The following PCSK6 variants were observed in gnomAD, a reference collection of about 807,000 sequenced individuals.
PCSK6 encodes paired basic amino acid cleaving enzyme 4.
In PCSK6, 85 loss-of-function variants were observed where a neutral mutation model predicts 123.3. That is an observed-to-expected ratio of 0.69 (90% CI 0.58 to 0.83). The LOEUF is 0.83. PCSK6 is among the 40% of genes least tolerant of loss of function. The probability of loss-of-function intolerance (pLI) is 0.00; values close to 1 mark genes in which losing one functional copy is unlikely to be tolerated. For missense variants in PCSK6, 1,191 were observed against 1,282.3 expected (o/e 0.93, Z 1.09); for synonymous variants, 508 against 516.0 (o/e 0.98, Z 0.21).
chr15:101,445,520 CTTTTA>C (rs2056866183), intron 1 of PCSK6, among the ~76,000 whole-genome samples: 1 of 152,210 alleles, frequency 6.6e-6, no homozygotes, highest in Admixed American at 6.5e-5. Flanking sequence ...CTCACAAGCA[CTTTTA>C]TTTTTCTTCC....
intron 1 of PCSK6, among the ~76,000 whole-genome samples, chr15:101,472,022 C>A (rs10083598): frequency 2.1e-5 from 2 of 96,624 alleles, no homozygotes; most frequent in African/African-American, 3.5e-5. Flanking sequence ...CTAAGAAACA[C>A]GAAATTGTGA....
chr15:101,385,404 C>A (rs1017309385), intron 9 of PCSK6, among the ~76,000 whole-genome samples: 12 of 152,146 alleles, frequency 7.9e-5, no homozygotes, highest in Admixed American at 1.3e-4. Flanking sequence ...CCACAGCAAC[C>A]AGGAACGGGT....
chr15:101,305,223 G>A lies in PCSK6; in HGVS notation c.*35C>T. 2 of 1,522,520 alleles carry A rather than the reference G, an allele frequency of 1.3e-6. No homozygotes were observed. The highest frequency in any genetic ancestry group is 1.4e-5 in the African/African-American group (1 of 73,296). 94.3% of individuals were successfully genotyped at this position (1,522,520 alleles called of 1,614,324 possible). A position where few individuals can be genotyped will look rare whatever the true frequency, so the allele number is the denominator to read the frequency against. ...GAGGAAGGTGGACGGATGGATGGATGGGAGTGCCTGCCCTCTGTGGGCAGC... is the reference window on the plus strand; with the variant it reads ...GAGGAAGGTGGACGGATGGATGGATAGGAGTGCCTGCCCTCTGTGGGCAGC... On this transcript the variant is annotated 3_prime_UTR_variant, in exon 22 of 22. Transcript: ENST00000611716. The surrounding 1 kb of genome is among the most constrained non-coding windows in gnomAD (Gnocchi z 4.8).
chr15:101,455,882 A>G (rs974762402), intron 1 of PCSK6, among the ~76,000 whole-genome samples: 1 of 152,244 alleles, frequency 6.6e-6, no homozygotes, highest in Non-Finnish European at 1.5e-5. Flanking sequence ...CTTGTAAACT[A>G]AAAATAGACT....
At position 101,398,445 on chromosome 15, in the gene PCSK6, C is replaced by T. The variant is rs1168731620; in HGVS notation, c.955G>A (p.Gly319Ser). 13 of 1,613,552 alleles carry T rather than the reference C, an allele frequency of 8.1e-6. No homozygotes were observed. Among genetic ancestry groups the T allele is most frequent in the East Asian group, 2.2e-5 (1 of 44,882 alleles). Residue 319 changes from glycine to serine, a missense_variant, in exon 7 of 22, where the codon GGC becomes AGC. Physicochemically the swap from Gly to Ser is moderately conservative, Grantham distance 56 (BLOSUM62 0). This residue lies in a region of PCSK6 where 357 missense variants were observed against 484.5 expected (regional missense o/e 0.74). Transcript: ENST00000611716. The surrounding 1 kb of genome is among the most constrained non-coding windows in gnomAD (Gnocchi z 4.6). ...TCGAAAGCCTGCTTAGCCAGTCGGC[C>T]GGGCCCGTCCACCGTCTTGCCGTCG... ...DDDGKTVDGP[G>S]RLAKQAFEYG...
At chr15:101,396,116 A>G (rs2042404861) in intron 7 of PCSK6, among the ~76,000 whole-genome samples, 1 of 152,122 alleles carries the variant, frequency 6.6e-6, no homozygotes, top group Admixed American at 6.5e-5. Context: ...TTGCGATTTA[A>G]GGTTCTCTGT....
intron 6 of PCSK6, among the ~76,000 whole-genome samples, chr15:101,412,714 A>ATATAT (rs1326677557): frequency 7.9e-5 from 9 of 113,878 alleles, no homozygotes; most frequent in East Asian, 2.0e-4. Context: ...TATATATATA[A>ATATAT]AATTACCCAA....
chr15:101,390,812 T>C (rs568056704), intron 8 of PCSK6, among the ~76,000 whole-genome samples: 5 of 152,234 alleles, frequency 3.3e-5, no homozygotes, highest in Non-Finnish European at 7.3e-5. Flanking sequence ...CTGAGGCTCC[T>C]GGACTTCTGG....
In PCSK6 at chr15:101,366,233, T is replaced by G. The variant is rs1199670443; in HGVS notation, c.1821A>C (p.Gln607His). The part of the protein sequence containing the change: ...KAEGQWTLEI[Q>H]DLPSQVRNPE... ...GGTTGCGGACCTGGGATGGCAGATC[T>G]TGGATTTCCAAGGTCCACTGCCCTT... The change falls in exon 13 of 22, where the codon CAA becomes CAC. Residue 607 changes from glutamine (Q) to histidine (H), a missense_variant. Around this residue, in one of 3 missense-constraint regions of PCSK6, gnomAD observed 630 missense variants for 631.4 expected, o/e 1.00. Transcript: ENST00000611716. 2 of 1,613,678 alleles carry G rather than the reference T, an allele frequency of 1.2e-6. No homozygotes were observed. Among genetic ancestry groups the G allele is most frequent in the Non-Finnish European group, 1.7e-6 (2 of 1,179,724 alleles).
rs942195384 is a variant in PCSK6 at position 101,307,374 on chromosome 15, A to C, written c.2700-49T>G. The stretch of plus-strand genomic sequence containing the variant: ...TGAAGTCTGGGGAAGAGGCTCCACC[A>C]CTCCGGGCTCCCTTCCCAGAACCCT... On this transcript the variant is annotated intron_variant, in intron 20 of 21. Coordinates refer to ENST00000611716, the MANE Select transcript of PCSK6 (RefSeq NM_002570.5). The C allele has an allele frequency of 5.0e-6, 7 of 1,386,410 alleles. No individual in the cohort carries two copies. The Admixed American group carries it at 5.7e-5, about 11-fold the overall frequency. The allele number at this position is 1,386,410 out of a possible 1,614,324, so 85.9% of individuals were successfully genotyped here. A position where few individuals can be genotyped will look rare whatever the true frequency, so the allele number is the denominator to read the frequency against.
intron 13 of PCSK6, among the ~76,000 whole-genome samples, chr15:101,345,953 C>G (rs1343037050): frequency 6.6e-6 from 1 of 152,194 alleles, no homozygotes; most frequent in Non-Finnish European, 1.5e-5. Flanking sequence ...CAAGCGTGAG[C>G]CACCACGCCA....
intron 1 of PCSK6, among the ~76,000 whole-genome samples, chr15:101,444,375 G>C (rs764923320): frequency 1.3e-5 from 2 of 152,114 alleles, no homozygotes; most frequent in Non-Finnish European, 2.9e-5. Flanking sequence ...TGGGGACATT[G>C]TTATCGGAGG....
At chr15:101,391,114 C>T (rs185451531) in intron 8 of PCSK6, among the ~76,000 whole-genome samples, 1 of 152,304 alleles carries the variant, frequency 6.6e-6, no homozygotes. Context: ...GACCAGTTTC[C>T]TCCTTGTTCG....
rs2056727994 is a variant in PCSK6 at position 101,440,497 on chromosome 15, T to C, written c.402+3059A>G. On this transcript the variant is annotated intron_variant, in intron 2 of 21. Transcript: ENST00000611716. The stretch of plus-strand genomic sequence containing the variant: ...CTTTTATGTGACATGGGGTGGACTG[T>C]ACATTCCATCACTTATCAAAGCACT... Among the ~76,000 whole-genome samples the C allele has an allele frequency of 2.0e-5, 3 of 152,352 alleles. No individual in the cohort carries two copies. The South Asian group carries it at 6.2e-4, about 32-fold the overall frequency.
chr15:101,373,694 A>G (rs1036278733), intron 11 of PCSK6, among the ~76,000 whole-genome samples: 1 of 152,244 alleles, frequency 6.6e-6, no homozygotes, highest in Non-Finnish European at 1.5e-5. Context: ...ATCAAAAGTC[A>G]TCACTTTAAA....
At chr15:101,480,349 G>A (rs966209740) in intron 1 of PCSK6, among the ~76,000 whole-genome samples, 22 of 152,272 alleles carry the variant, frequency 1.4e-4, no homozygotes, top group African/African-American at 3.1e-4. Flanking sequence ...CAGGTCGGGC[G>A]TGGCTGCGGG....
intron 6 of PCSK6, among the ~76,000 whole-genome samples, chr15:101,415,104 T>C (rs1397953515): frequency 1.4e-4 from 21 of 152,236 alleles, no homozygotes; most frequent in Admixed American, 1.4e-3. Flanking sequence ...TGTAAATAGC[T>C]ATAAAATGTG....
At chr15:101,463,616 G>A (rs1163528888) in intron 1 of PCSK6, among the ~76,000 whole-genome samples, 1 of 152,172 alleles carries the variant, frequency 6.6e-6, no homozygotes, top group East Asian at 1.9e-4. Flanking sequence ...TCTGGGATTC[G>A]GTTGTTCATC....
intron 18 of PCSK6, among the ~76,000 whole-genome samples, chr15:101,321,743 G>C (rs899094964): frequency 2.6e-5 from 4 of 152,266 alleles, no homozygotes; most frequent in Admixed American, 2.0e-4. Flanking sequence ...CTGCCAGCCT[G>C]CGGAAATGCA....
Sources: gnomAD v4.1 joint callset for allele counts (sites outside exome capture counted in the v4.1 genomes callset) on GRCh38, gnomAD v4.1.1 for gene constraint, gnomAD v4.1.1 regional missense constraint, Gnocchi (gnomAD v3.1) non-coding constraint, MANE v1.5 for transcripts, NCBI Gene and HGNC (gene_info 2026-07-23, HGNC 2026-07-21) for gene names.